Variants in CNTROB observed in about 807,000 individuals in gnomAD.
CNTROB encodes centrobin.
In CNTROB, 82 loss-of-function variants were observed where a neutral mutation model predicts 115.7. The ratio of observed to expected loss-of-function variants is 0.71; its 90% CI spans 0.59 to 0.85. The LOEUF is 0.85. Among genes scored for constraint, CNTROB ranks in the 40% least tolerant of loss-of-function variants. The probability of loss-of-function intolerance (pLI) is 0.00; values close to 1 mark genes in which losing one functional copy is unlikely to be tolerated. For missense variants in CNTROB, 1,014 were observed against 1,144.4 expected (o/e 0.89, Z 1.64); for synonymous variants, 439 against 456.4 (o/e 0.96, Z 0.49).
intron 6 of CNTROB, 124 bp from the exon 7 acceptor site, chr17:7,937,040 A>G (rs567020473): frequency 1.1e-5 from 14 of 1,242,138 alleles, no homozygotes; most frequent in South Asian, 7.9e-5. Context: ...GTAGTCTTCT[A>G]TCTGGCCCCT....
chr17:7,939,897 T>G lies in CNTROB; in HGVS notation c.1164+148T>G. ...TGTGTGGGAGACAAGGTTGAGAGTA[T>G]AGGGCCAGCAGGAAGGGCTGGGGGT... On this transcript the variant is annotated intron_variant, in intron 8 of 18. Transcript: ENST00000563694. This position sits in a 1 kb window ranked among gnomAD's most constrained non-coding sequence, Gnocchi z 4.4. 2 of 1,033,480 alleles carry G rather than the reference T, an allele frequency of 1.9e-6. No individual in the cohort carries two copies. Among genetic ancestry groups the G allele is most frequent in the African/African-American group, 1.6e-5 (1 of 62,924 alleles). The allele number at this position is 1,033,480 out of a possible 1,614,324, so 64.0% of individuals were successfully genotyped here.
rs756268352 is a variant in CNTROB at position 7,933,277 on chromosome 17, A to C, written c.198A>C (p.Glu66Asp). 2 of 1,614,220 alleles carry C rather than the reference A, an allele frequency of 1.2e-6. No homozygotes were observed. Among genetic ancestry groups the C allele is most frequent in the Non-Finnish European group, 1.7e-6 (2 of 1,180,030 alleles). ...TACCCTCCACCTCCCCGCCTCATGAAGGGTTAGACGGCTTCGCCCAAGAAT... is the reference window on the plus strand; with the variant it reads ...TACCCTCCACCTCCCCGCCTCATGACGGGTTAGACGGCTTCGCCCAAGAAT... Reference protein sequence around the residue: ...LYLPSTSPPHEGLDGFAQELS... With the variant: ...LYLPSTSPPHDGLDGFAQELS... The change falls in exon 1 of 19, where the codon GAA becomes GAC. Residue 66 changes from glutamate to aspartate, a missense_variant. Glu to Asp is a conservative substitution (Grantham distance 45). Transcript: ENST00000563694.
rs898167630 is a variant in CNTROB, at chr17:7,939,972, TAAAAC to T, written c.1165-120_1165-116del. 1.3e-4 allele frequency: 158 copies of T among 1,255,272 alleles called. No individual in the cohort carries two copies. Among genetic ancestry groups the T allele is most frequent in the Middle Eastern group, 4.9e-4 (2 of 4,054 alleles). 77.8% of individuals were successfully genotyped at this position (1,255,272 alleles called of 1,614,324 possible). Reference sequence around the variant, plus strand: ...CTGAAATTCAACAGGGATGGGGAAATAAAACAAATGGGAGGAGCTGGGGGAAGCTT... The same window carrying T: ...CTGAAATTCAACAGGGATGGGGAAATAAATGGGAGGAGCTGGGGGAAGCTT... On this transcript the variant is annotated intron_variant, in intron 8 of 18. Transcript: ENST00000563694. This position sits in a 1 kb window ranked among gnomAD's most constrained non-coding sequence, Gnocchi z 4.4.
Position 7,945,870 on chromosome 17 carries a change from C to T in CNTROB, c.1877C>T (p.Ala626Val), listed in dbSNP as rs766560372. Reference sequence around the variant, plus strand: ...GAAGCAAGGGACGAGCTACCTGGAGCGCCTCCTGTTCTTTGCAGTTCCTCC... The same window carrying T: ...GAAGCAAGGGACGAGCTACCTGGAGTGCCTCCTGTTCTTTGCAGTTCCTCC... ...SREARDELPGAPPVLCSSSSD... is the reference protein window; with the variant it reads ...SREARDELPGVPPVLCSSSSD... The change falls in exon 13 of 19, where the codon GCG becomes GTG. Residue 626 changes from alanine to valine, a missense_variant. Physicochemically the swap from Ala to Val is moderately conservative, Grantham distance 64. Coordinates refer to ENST00000563694, the MANE Select transcript of CNTROB (RefSeq NM_053051.5). The T allele has an allele frequency of 1.7e-5, 28 of 1,614,050 alleles. No homozygotes were observed. The highest frequency in any genetic ancestry group is 4.5e-5 in the East Asian group (2 of 44,894).
intron 7 of CNTROB, among the ~76,000 whole-genome samples, chr17:7,938,327 C>A (rs1386368039): frequency 6.6e-6 from 1 of 151,480 alleles, no homozygotes; most frequent in African/African-American, 2.4e-5. Flanking sequence ...TCTCTTAGAG[C>A]TGAAATGATA....
intron 4 of CNTROB, among the ~76,000 whole-genome samples, chr17:7,935,360 G>A (rs1973037100): frequency 6.6e-6 from 1 of 152,124 alleles, no homozygotes; most frequent in Non-Finnish European, 1.5e-5. Flanking sequence ...AAATTAGCCG[G>A]GCATGGTGGT....
In CNTROB at chr17:7,945,431, C is replaced by T. The variant is rs542113655; in HGVS notation, c.1735-297C>T. On this transcript the variant is annotated intron_variant, in intron 12 of 18. Coordinates refer to ENST00000563694, the MANE Select transcript of CNTROB (RefSeq NM_053051.5). The stretch of plus-strand genomic sequence containing the variant: ...TTTATTTATTTGAGACAAGGTCTCA[C>T]TCTGTTGCCCAGAGCGCTCAAGCAA... 9.2e-5 allele frequency: 24 copies of T among 261,976 alleles called. No homozygotes were observed. In the Admixed American group the frequency reaches 9.2e-4, roughly 10 times the overall value. The allele number at this position is 261,976 out of a possible 1,614,324, so 16.2% of individuals were successfully genotyped here.
In CNTROB at chr17:7,947,808, C is replaced by T. The variant is rs1401608275; in HGVS notation, c.2145+86C>T. ...TGCTCTGGGAATCCAGGACTCTGGCCTCATTCCCTGTTTATGACTAACTCT... is the reference window on the plus strand; with the variant it reads ...TGCTCTGGGAATCCAGGACTCTGGCTTCATTCCCTGTTTATGACTAACTCT... On this transcript the variant is annotated intron_variant, in intron 14 of 18. Transcript: ENST00000563694. 5 of 1,606,316 alleles carry T rather than the reference C, an allele frequency of 3.1e-6. No homozygotes were observed. The East Asian group carries it at 1.1e-4, about 36-fold the overall frequency.
chr17:7,938,164 A>G (rs1448123420), intron 7 of CNTROB, among the ~76,000 whole-genome samples: 1 of 151,948 alleles, frequency 6.6e-6, no homozygotes, highest in Non-Finnish European at 1.5e-5. Context: ...CACCACGCCT[A>G]GCTAATTTTT....
Position 7,945,791 on chromosome 17 carries a change from T to C in CNTROB, c.1798T>C (p.Trp600Arg), listed in dbSNP as rs1244756431. 6.2e-7 allele frequency: 1 copy of C among 1,614,088 alleles called. No homozygotes were observed. Among genetic ancestry groups the C allele is most frequent in the Non-Finnish European group, 8.5e-7 (1 of 1,180,018 alleles). The change falls in exon 13 of 19, where the codon TGG (tryptophan) becomes CGG (arginine). Residue 600 changes from tryptophan to arginine, a missense_variant. By Grantham distance (101) the Trp-to-Arg change is moderately radical. Coordinates refer to ENST00000563694, the MANE Select transcript of CNTROB (RefSeq NM_053051.5). Reference protein sequence around the residue: ...QEPEKEERRVWTMPPMAVALK... With the variant: ...QEPEKEERRVRTMPPMAVALK... ...GCCCGAGAAGGAGGAGAGGAGGGTC[T>C]GGACTATGCCTCCCATGGCCGTGGC... is the stretch of plus-strand genomic sequence containing the variant.
At chr17:7,940,739 C>T (rs1973759376) in intron 9 of CNTROB, among the ~76,000 whole-genome samples, 1 of 152,196 alleles carries the variant, frequency 6.6e-6, no homozygotes, top group Admixed American at 6.5e-5. Context: ...AATTGTTTGT[C>T]AGATATAATT....
intron 17 of CNTROB, 55 bp from the exon 18 acceptor site, chr17:7,949,030 T>C (rs1207099638): frequency 9.3e-6 from 15 of 1,613,578 alleles, no homozygotes; most frequent in Non-Finnish European, 1.3e-5. Flanking sequence ...CATCCAGTAT[T>C]GGGTAACCGG....
chr17:7,948,828 A>G lies in CNTROB; in HGVS notation c.2513+209A>G, dbSNP rs1974873900. 11 of 1,463,156 alleles carry G rather than the reference A, an allele frequency of 7.5e-6. No individual in the cohort carries two copies. Among genetic ancestry groups the G allele is most frequent in the Non-Finnish European group, 9.9e-6 (11 of 1,107,644 alleles). 90.6% of individuals were successfully genotyped at this position (1,463,156 alleles called of 1,614,324 possible). On this transcript the variant is annotated intron_variant, in intron 17 of 18. Coordinates refer to ENST00000563694, the MANE Select transcript of CNTROB (RefSeq NM_053051.5). This position sits in a 1 kb window ranked among gnomAD's most constrained non-coding sequence, Gnocchi z 4.4. Reference sequence around the variant, plus strand: ...TATTGCTTTTTTCTTCTAAACAAAAAAATCTTTTCCCCGGGTCTCTCTACC... The same window carrying G: ...TATTGCTTTTTTCTTCTAAACAAAAGAATCTTTTCCCCGGGTCTCTCTACC...
In CNTROB at chr17:7,934,501, G is replaced by A. The variant is rs147900154; in HGVS notation, c.392G>A (p.Arg131Gln). The change falls in exon 3 of 19, where the codon CGG (arginine) becomes CAG (glutamine). Residue 131 changes from arginine (R) to glutamine (Q), a missense_variant. Physicochemically the swap from Arg to Gln is conservative, Grantham distance 43. Transcript: ENST00000563694. ...ATTCCTGGCGCTGGCTCAGAGAGAC[G>A]GGAAGAGGACTCCTTTGACAGTGAT... ...PLIPGAGSER[R>Q]EEDSFDSDST... is the part of the protein sequence containing the mutation. The A allele has an allele frequency of 5.2e-4, 842 of 1,614,100 alleles. No individual in the cohort carries two copies. Among genetic ancestry groups the A allele is most frequent in the Non-Finnish European group, 6.8e-4 (808 of 1,179,998 alleles).
At chr17:7,937,102 A>G (rs1973271019) in intron 6 of CNTROB, 62 bp from the exon 7 acceptor site, 4 of 1,579,344 alleles carry the variant, frequency 2.5e-6, no homozygotes, top group Non-Finnish European at 3.5e-6. Flanking sequence ...AATGCTTTAT[A>G]AAATATAGCA....
chr17:7,946,397 C>G (rs1179857029), intron 13 of CNTROB, among the ~76,000 whole-genome samples: 1 of 151,564 alleles, frequency 6.6e-6, no homozygotes, highest in African/African-American at 2.4e-5. Context: ...AGCTGAGCCT[C>G]TAGACATTTA....
At position 7,939,725 on chromosome 17, in the gene CNTROB, C is replaced by T. The variant is rs144014832; in HGVS notation, c.1140C>T (p.Ser380=). The T allele has an allele frequency of 2.2e-5, 35 of 1,613,864 alleles. No homozygotes were observed. The highest frequency in any genetic ancestry group is 9.4e-5 in the African/African-American group (7 of 74,862). ...ACTACCAGGCGCTGCAGGAGGAGAG[C>T]CAGGCTCAGCTGGAAAGGGAGAAGG... ...KEHYQALQEE[S]QAQLEREKEK... Residue 380 remains serine, a synonymous_variant, in exon 8 of 19, where the codon AGC becomes AGT. Transcript: ENST00000563694. This position sits in a 1 kb window ranked among gnomAD's most constrained non-coding sequence, Gnocchi z 4.4.
Position 7,948,448 on chromosome 17 carries a change from C to G in CNTROB, c.2381-39C>G. On this transcript the variant is annotated intron_variant, in intron 16 of 18. Transcript: ENST00000563694. This position sits in a 1 kb window ranked among gnomAD's most constrained non-coding sequence, Gnocchi z 4.4. ...ATGGGCTGAGGGCTGGGGAGACAGG[C>G]CCTAGGATGACGCCTGTGATTATTG... 1 of 1,612,818 alleles carries G rather than the reference C, an allele frequency of 6.2e-7. No homozygotes were observed. Among genetic ancestry groups the G allele is most frequent in the East Asian group, 2.2e-5 (1 of 44,858 alleles).
intron 7 of CNTROB, among the ~76,000 whole-genome samples, chr17:7,937,738 G>A (rs763779158): frequency 3.9e-5 from 6 of 152,074 alleles, no homozygotes; most frequent in Non-Finnish European, 1.5e-5. Flanking sequence ...AGCAGGCAGA[G>A]GTTGCAGTGA....
Sources: gnomAD v4.1 joint callset for allele counts (sites outside exome capture counted in the v4.1 genomes callset) on GRCh38, gnomAD v4.1.1 for gene constraint, Gnocchi (gnomAD v3.1) non-coding constraint, MANE v1.5 for transcripts, NCBI Gene and HGNC (gene_info 2026-07-23, HGNC 2026-07-21) for gene names.